PHF24: variants seen among roughly 807,000 people sequenced by gnomAD.
PHF24 encodes the protein PHD finger protein 24.
A neutral mutation model predicts 42.6 loss-of-function variants in PHF24; 25 were observed. The ratio of observed to expected loss-of-function variants is 0.59; its 90% CI spans 0.43 to 0.82. PHF24 has a LOEUF of 0.82. PHF24 is among the 40% of genes least tolerant of loss of function. The pLI, the probability that PHF24 is intolerant of heterozygous loss-of-function variation, is 0.00. For missense variants in PHF24, 470 were observed against 538.1 expected, an observed-to-expected ratio of 0.87 and a Z score of 1.25; for synonymous variants, 185 against 204.8, an observed-to-expected ratio of 0.90 and a Z score of 0.83.
chr9:34,714,508 G>A, the PHF24 span, among the ~76,000 whole-genome samples: 4 of 152,286 alleles, frequency 2.6e-5, no homozygotes, highest in South Asian at 2.1e-4. Flanking sequence ...GAAGCAACAC[G>A]CCAGACCGCC....
the PHF24 span, chr9:34,689,727 C>T: frequency 1.3e-4 from 198 of 1,480,204 alleles, no homozygotes; most frequent in African/African-American, 2.4e-3. The surrounding 1 kb of genome is among the most constrained non-coding windows in gnomAD (Gnocchi z 4.1). Flanking sequence ...AGCTGGAAGC[C>T]TGGTCCTTCC....
At chr9:34,875,950 A>ACTCTCTCTCTCTCTCT in the PHF24 span, among the ~76,000 whole-genome samples, 21 of 78,744 alleles carry the variant, frequency 2.7e-4, no homozygotes, top group African/African-American at 9.0e-4. Flanking sequence ...ACACACACAC[A>ACTCTCTCTCTCTCTCT]CTCTCTCTCT....
chr9:34,838,376 A>C, the PHF24 span: 10 of 992,804 alleles, frequency 1.0e-5, no homozygotes, highest in African/African-American at 6.4e-5. Context: ...TCAACTTCCA[A>C]GTTCAATTCA....
the PHF24 span, among the ~76,000 whole-genome samples, chr9:34,764,249 A>G: frequency 2.6e-5 from 4 of 152,314 alleles, no homozygotes; most frequent in Non-Finnish European, 5.9e-5. Flanking sequence ...TTTTCTGTTG[A>G]TTGGAATAGT....
At chr9:34,786,125 A>C in the PHF24 span, among the ~76,000 whole-genome samples, 1 of 152,194 alleles carries the variant, frequency 6.6e-6, no homozygotes, top group Non-Finnish European at 1.5e-5. Context: ...GATCAAACCA[A>C]TGGGTGATGA....
chr9:34,828,951 C>CTATATCTATATCTATATCTA, the PHF24 span, among the ~76,000 whole-genome samples: 1 of 151,980 alleles, frequency 6.6e-6, no homozygotes, highest in Non-Finnish European at 1.5e-5. Flanking sequence ...ATATCTATGT[C>CTATATCTATATCTATATCTA]TGTCTGTCAT....
At chr9:34,847,257 G>C in the PHF24 span, among the ~76,000 whole-genome samples, 1 of 152,096 alleles carries the variant, frequency 6.6e-6, no homozygotes, top group Admixed American at 6.6e-5. Context: ...CCATTTGTTT[G>C]TATCCTCTTT....
the PHF24 span, among the ~76,000 whole-genome samples, chr9:34,731,431 AACCCCCACACCTC>A: frequency 6.6e-6 from 1 of 152,068 alleles, no homozygotes; most frequent in Non-Finnish European, 1.5e-5. Context: ...CTCCCACCCA[AACCCCCACACCTC>A]ACCCCGCTAC....
At chr9:34,840,513 C>T in the PHF24 span, among the ~76,000 whole-genome samples, 2 of 132,866 alleles carry the variant, frequency 1.5e-5, no homozygotes, top group Admixed American at 1.5e-4. Flanking sequence ...TCCTTCCTTC[C>T]TCCTCCTCTT....
the PHF24 span, among the ~76,000 whole-genome samples, chr9:34,876,739 A>G: frequency 6.6e-6 from 1 of 152,208 alleles, no homozygotes; most frequent in Non-Finnish European, 1.5e-5. Flanking sequence ...GCTGGTGGGA[A>G]TGTAAAATGG....
At chr9:34,911,971 A>G in the PHF24 span, among the ~76,000 whole-genome samples, 1 of 152,234 alleles carries the variant, frequency 6.6e-6, no homozygotes, top group Non-Finnish European at 1.5e-5. Context: ...ATATAGCAGG[A>G]ACAGATAGCA....
At chr9:34,766,868 G>C in the PHF24 span, among the ~76,000 whole-genome samples, 1 of 152,196 alleles carries the variant, frequency 6.6e-6, no homozygotes, top group African/African-American at 2.4e-5. Context: ...GTGATGTACA[G>C]ATGGGTTTTT....
At chr9:34,959,601 A>G (rs2132848837) in intron 1 of PHF24, among the ~76,000 whole-genome samples, 1 of 152,338 alleles carries the variant, frequency 6.6e-6, no homozygotes, top group South Asian at 2.1e-4. Context: ...TGATTAAATA[A>G]GTGGATGAGG....
chr9:34,954,668 A>C (rs1826330487), upstream of PHF24, among the ~76,000 whole-genome samples: 2 of 152,166 alleles, frequency 1.3e-5, no homozygotes, highest in African/African-American at 4.8e-5. Flanking sequence ...TCATGTTTAT[A>C]CTTTTACAAT....
At chr9:34,695,092 C>T in the PHF24 span, among the ~76,000 whole-genome samples, 8 of 152,164 alleles carry the variant, frequency 5.3e-5, no homozygotes, top group Admixed American at 5.2e-4. Flanking sequence ...AAGAACCAGC[C>T]ACATGGTTAG....
the PHF24 span, among the ~76,000 whole-genome samples, chr9:34,829,570 C>T: frequency 1.3e-5 from 2 of 152,166 alleles, no homozygotes; most frequent in South Asian, 2.1e-4. Flanking sequence ...CAGCTAATTA[C>T]TTCCTCCTGT....
the PHF24 span, among the ~76,000 whole-genome samples, chr9:34,727,512 T>C: frequency 4.6e-5 from 7 of 152,162 alleles, no homozygotes; most frequent in African/African-American, 1.7e-4. Flanking sequence ...CTAGAGCTCT[T>C]AAGGAGAGGA....
the PHF24 span, among the ~76,000 whole-genome samples, chr9:34,801,706 G>C: frequency 6.6e-6 from 1 of 151,882 alleles, no homozygotes; most frequent in Non-Finnish European, 1.5e-5. Flanking sequence ...CAGCCTGAGC[G>C]ACAGAGTGAG....
chr9:34,723,407 C>G, the PHF24 span: 1 of 1,551,704 alleles, frequency 6.4e-7, no homozygotes, highest in Non-Finnish European at 8.7e-7. Context: ...CTGAGCAGGA[C>G]GAGATTGGGC....
Sources: allele counts gnomAD v4.1 joint callset (sites outside exome capture counted in the v4.1 genomes callset), GRCh38; gene constraint gnomAD v4.1.1; non-coding constraint Gnocchi (gnomAD v3.1); transcripts MANE v1.5; gene names NCBI Gene and HGNC (gene_info 2026-07-23, HGNC 2026-07-21).